Variants in SHISAL2B observed in about 807,000 individuals in gnomAD.
The protein encoded by SHISAL2B is protein shisa-like-2B.
Under a neutral mutation model 16.5 loss-of-function variants are expected in SHISAL2B, and 12 were observed. That is an observed-to-expected ratio of 0.73 (90% CI 0.47 to 1.18). The LOEUF is 1.18. Ranked by LOEUF, SHISAL2B falls within the 50% of genes most tolerant of loss-of-function variation. The pLI, the probability that SHISAL2B is intolerant of heterozygous loss-of-function variation, is 0.00. For missense variants in SHISAL2B, 183 were observed against 193.6 expected (o/e 0.95, Z 0.33); for synonymous variants, 72 against 75.0 (o/e 0.96, Z 0.21).
chr5:64,692,874 G>A (rs1482389467), intron 1 of SHISAL2B, among the ~76,000 whole-genome samples: 1 of 152,112 alleles, frequency 6.6e-6, no homozygotes, highest in Non-Finnish European at 1.5e-5. Flanking sequence ...GGGAAATAAG[G>A]TCTATTGGAC....
At chr5:64,691,666 C>T (rs1397569145) in intron 1 of SHISAL2B, 1 of 152,098 alleles carries the variant, frequency 6.6e-6, no homozygotes, top group Non-Finnish European at 1.5e-5. Context: ...CTTATTCCAA[C>T]TAGTATTGAT....
intron 2 of SHISAL2B, among the ~76,000 whole-genome samples, chr5:64,702,366 AATTTT>A (rs1157963885): frequency 6.6e-6 from 1 of 151,950 alleles, no homozygotes; most frequent in East Asian, 1.9e-4. Flanking sequence ...ACGCCAGGCT[AATTTT>A]GTATTTTTAG....
At chr5:64,709,127 A>G (rs2610252) in intron 2 of SHISAL2B, among the ~76,000 whole-genome samples, 88,521 of 143,142 alleles carry the variant, frequency 0.62, 29,244 homozygotes, top group African/African-American at 0.88. Flanking sequence ...ATGCTGGTGC[A>G]CTGCACCCAC....
chr5:64,699,427 T>A (rs1741779253), intron 2 of SHISAL2B, among the ~76,000 whole-genome samples: 1 of 152,264 alleles, frequency 6.6e-6, no homozygotes. Flanking sequence ...TCGTTAAATA[T>A]GCATGTTCCG....
intron 2 of SHISAL2B, among the ~76,000 whole-genome samples, chr5:64,709,069 G>A (rs1741913995): frequency 6.7e-6 from 1 of 150,308 alleles, no homozygotes; most frequent in Admixed American, 6.6e-5. Flanking sequence ...TAAGTTTTAG[G>A]GTACATGTGC....
Position 64,717,930 on chromosome 5 carries a change from G to A in SHISAL2B, c.391G>A (p.Ala131Thr), listed in dbSNP as rs577390402. Residue 131 changes from alanine to threonine, a missense_variant, in exon 3 of 3, where the codon GCA becomes ACA. Physicochemically the swap from Ala to Thr is moderately conservative, Grantham distance 58 (BLOSUM62 0). Coordinates refer to ENST00000389074, the MANE Select transcript of SHISAL2B (RefSeq NM_001164442.2). The stretch of plus-strand genomic sequence containing the variant: ...AACCAAAGCCCTCAATTCAAATGCA[G>A]CATCAAATGCAACAAATGAAACATA... ...GKTKALNSNA[A>T]SNATNETYYE... 2.6e-6 allele frequency: 4 copies of A among 1,520,650 alleles called. No homozygotes were observed. The highest frequency in any genetic ancestry group is 3.5e-6 in the Non-Finnish European group (4 of 1,143,244). The allele number at this position is 1,520,650 out of a possible 1,614,324, so 94.2% of individuals were successfully genotyped here. A position where few individuals can be genotyped will look rare whatever the true frequency, so the allele number is the denominator to read the frequency against.
chr5:64,691,926 C>T (rs1012453466), intron 1 of SHISAL2B, among the ~76,000 whole-genome samples: 1 of 152,098 alleles, frequency 6.6e-6, no homozygotes, highest in Admixed American at 6.6e-5. Context: ...AACACACATG[C>T]CAAGTCTATA....
chr5:64,695,468 C>T lies in SHISAL2B; in HGVS notation c.192-39C>T, dbSNP rs1332800094. 7 of 1,463,230 alleles carry T rather than the reference C, an allele frequency of 4.8e-6. No homozygotes were observed. In the Admixed American group the frequency reaches 1.6e-4, roughly 33 times the overall value. The allele number at this position is 1,463,230 out of a possible 1,614,324, so 90.6% of individuals were successfully genotyped here. On this transcript the variant is annotated intron_variant, in intron 1 of 2. Coordinates refer to ENST00000389074, the MANE Select transcript of SHISAL2B (RefSeq NM_001164442.2). ...TCTCTTTAGTTGAACCAGTGTGAACCACTTTGTGTGACACATATTTTTTTT... is the reference window on the plus strand; with the variant it reads ...TCTCTTTAGTTGAACCAGTGTGAACTACTTTGTGTGACACATATTTTTTTT...
intron 2 of SHISAL2B, among the ~76,000 whole-genome samples, chr5:64,706,674 A>C (rs181365790): frequency 1.3e-5 from 2 of 152,310 alleles, no homozygotes; most frequent in African/African-American, 4.8e-5. Flanking sequence ...ATGTCCTATC[A>C]AAGAGAAAAT....
intron 2 of SHISAL2B, among the ~76,000 whole-genome samples, chr5:64,708,882 C>T (rs955014260): frequency 6.6e-6 from 1 of 151,996 alleles, no homozygotes; most frequent in Non-Finnish European, 1.5e-5. Context: ...AAAAATAGTT[C>T]AGAAGAGAAG....
intron 1 of SHISAL2B, chr5:64,694,115 A>T (rs1194760826): frequency 2.2e-6 from 1 of 455,500 alleles, no homozygotes; most frequent in African/African-American, 2.0e-5. Flanking sequence ...CTAATCCCAG[A>T]GAAAGAGCAG....
intron 2 of SHISAL2B, among the ~76,000 whole-genome samples, chr5:64,713,097 G>T (rs1375606159): frequency 0.014 from 2,086 of 144,316 alleles, 22 homozygotes; most frequent in Admixed American, 0.023. Flanking sequence ...GTTAGCTGGT[G>T]ATTTTGCTCG....
chr5:64,709,406 A>T lies in SHISAL2B; in HGVS notation c.350-8483A>T, dbSNP rs1470008676. Reference sequence around the variant, plus strand: ...GGCTGCATAGTATTCCATGGTGTATATGTGCCACATTTTCTTAATCCAGTC... The same window carrying T: ...GGCTGCATAGTATTCCATGGTGTATTTGTGCCACATTTTCTTAATCCAGTC... On this transcript the variant is annotated intron_variant, in intron 2 of 2. Transcript: ENST00000389074. Among the ~76,000 whole-genome samples the T allele has an allele frequency of 1.1e-4, 16 of 148,788 alleles. No individual in the cohort carries two copies. In the East Asian group the frequency reaches 3.2e-3, roughly 30 times the overall value.
At chr5:64,708,679 CT>C (rs936391159) in intron 2 of SHISAL2B, among the ~76,000 whole-genome samples, 2 of 152,056 alleles carry the variant, frequency 1.3e-5, no homozygotes, top group East Asian at 1.9e-4. Context: ...AAAGTCAATA[CT>C]TTTTTTATTT....
chr5:64,697,930 G>A (rs1277592451), intron 2 of SHISAL2B, among the ~76,000 whole-genome samples: 2 of 152,162 alleles, frequency 1.3e-5, no homozygotes, highest in African/African-American at 4.8e-5. Flanking sequence ...ATCTCTCAGA[G>A]GGTATCCTGT....
chr5:64,714,330 G>A (rs1188190672), intron 2 of SHISAL2B, among the ~76,000 whole-genome samples: 2 of 142,346 alleles, frequency 1.4e-5, no homozygotes, highest in Middle Eastern at 3.4e-3. Context: ...CTGCTGGGGG[G>A]TGCCTCCCAG....
chr5:64,702,905 CTG>C (rs1741828878), intron 2 of SHISAL2B, among the ~76,000 whole-genome samples: 2 of 152,210 alleles, frequency 1.3e-5, no homozygotes, highest in Middle Eastern at 3.4e-3. Context: ...GTTTTGGACT[CTG>C]TGTTTTGTTA....
chr5:64,690,557 GTGC>G lies in SHISAL2B; in HGVS notation c.-64_-62del. ...GCAGAGGGGTCCGCGGGCTCTGGAG[GTGC>G]TGGACGGGTGCGATCCGAGAGCAGA... On this transcript the variant is annotated 5_prime_UTR_variant, in exon 1 of 3. Coordinates refer to ENST00000389074, the MANE Select transcript of SHISAL2B (RefSeq NM_001164442.2). The G allele has an allele frequency of 7.5e-7, 1 of 1,330,780 alleles. No individual in the cohort carries two copies. The highest frequency in any genetic ancestry group is 9.9e-7 in the Non-Finnish European group (1 of 1,015,144). The allele number at this position is 1,330,780 out of a possible 1,614,324, so 82.4% of individuals were successfully genotyped here. A position where few individuals can be genotyped will look rare whatever the true frequency, so the allele number is the denominator to read the frequency against.
At chr5:64,699,144 C>T (rs1010987636) in intron 2 of SHISAL2B, among the ~76,000 whole-genome samples, 1 of 152,102 alleles carries the variant, frequency 6.6e-6, no homozygotes, top group South Asian at 2.1e-4. Flanking sequence ...CCTCATTCTG[C>T]CCCTCTCATA....
Sources: gnomAD v4.1 joint callset for allele counts (sites outside exome capture counted in the v4.1 genomes callset) on GRCh38, gnomAD v4.1.1 for gene constraint, MANE v1.5 for transcripts, NCBI Gene and HGNC (gene_info 2026-07-23, HGNC 2026-07-21) for gene names.